Variants in CLUH observed in about 807,000 individuals in gnomAD.
CLUH encodes CLUH binding protein of NUMT mRNA.
Under a neutral mutation model 139.3 loss-of-function variants are expected in CLUH, and 77 were observed. That is an observed-to-expected ratio of 0.55 (90% CI 0.46 to 0.67). The LOEUF (loss-of-function observed/expected upper bound fraction) is 0.67. Among genes scored for constraint, CLUH ranks in the 30% least tolerant of loss-of-function variants. The pLI is 0.00. For synonymous variants in CLUH, 999 were observed against 801.6 expected (o/e 1.25, Z -4.16); for missense variants, 1,876 against 1,875.8 (o/e 1.00, Z 0.00).
Position 2,698,075 on chromosome 17 carries a change from G to T in CLUH, c.1782C>A (p.Gly594=), listed in dbSNP as rs754127529. The T allele has an allele frequency of 4.4e-6, 7 of 1,606,308 alleles. No homozygotes were observed. The highest frequency in any genetic ancestry group is 5.9e-6 in the Non-Finnish European group (7 of 1,178,462). The change falls in exon 10 of 26, where the codon GGC becomes GGA. Residue 594 remains glycine, a synonymous_variant. Transcript: ENST00000651024. ...CGAGGATGTAGTGGCGCCCGTCGTT[G>T]CCAATGATGCCCTTGCACTCGACCG... is the stretch of plus-strand genomic sequence containing the variant. ...CSSVECKGII[G]NDGRHYILDL...
At chr17:2,697,764 G>T in intron 10 of CLUH, 132 bp downstream of exon 10, 1 of 890,942 alleles carries the variant, frequency 1.1e-6, no homozygotes, top group Non-Finnish European at 1.6e-6. Flanking sequence ...GGTCTCCAAT[G>T]ACTGTGGCTA....
At chr17:2,699,054 G>T (rs941375940) in intron 9 of CLUH, among the ~76,000 whole-genome samples, 1 of 151,956 alleles carries the variant, frequency 6.6e-6, no homozygotes, top group Non-Finnish European at 1.5e-5. Flanking sequence ...TTCTAAAAAA[G>T]CGCAAACAAA....
intron 9 of CLUH, 73 bp downstream of exon 9, chr17:2,700,309 C>A: frequency 7.0e-7 from 1 of 1,425,162 alleles, no homozygotes; most frequent in Non-Finnish European, 9.6e-7. Flanking sequence ...TTGCTTTCCT[C>A]CTCTCCATGA....
At chr17:2,694,822 T>TCCCCCCCCCCCCCCCCCCCCAGCCC in intron 16 of CLUH, 35 bp downstream of exon 16, 4 of 1,346,312 alleles carry the variant, frequency 3.0e-6, no homozygotes, top group Non-Finnish European at 4.0e-6. Context: ...ATCTGCCCAA[T>TCCCCCCCCCCCCCCCCCCCCAGCCC]CCCACCCACC....
rs781095077 is a variant in CLUH at position 2,701,597 on chromosome 17, T to TC, written c.744+15dup. On this transcript the variant is annotated intron_variant, in intron 5 of 25. Coordinates refer to ENST00000651024, the MANE Select transcript of CLUH (RefSeq NM_001366661.1). ...CCCCGCCAGGGACCCTCTTCCTCCC[T>TC]CCCCCAGGATCCTACCTTCCAGTCA... The TC allele has an allele frequency of 4.7e-5, 76 of 1,609,122 alleles. 2 individuals are homozygous for TC. The highest frequency in any genetic ancestry group is 4.3e-4 in the South Asian group (39 of 90,208).
intron 12 of CLUH, 39 bp from the exon 13 acceptor site, chr17:2,696,298 G>C: frequency 1.3e-6 from 2 of 1,540,846 alleles, no homozygotes; most frequent in Non-Finnish European, 1.8e-6. Context: ...CCAGGCAGTG[G>C]CAAGACAAAT....
Position 2,693,902 on chromosome 17 carries a change from C to G in CLUH, c.3229G>C (p.Glu1077Gln). ...TGCTGCCACAGCCCAGAGGGTACCT[C>G]TGCGTAGTCGCCCATGATGTAGTGG... ...RLHYIMGDYA[E>Q]ALSNQQKAVL... Residue 1077 changes from glutamate to glutamine, a missense_variant and splice_region_variant, in exon 19 of 26, where the codon GAG (glutamate) becomes CAG (glutamine). Glu to Gln is a conservative substitution (Grantham distance 29). Transcript: ENST00000651024. 6.2e-7 allele frequency: 1 copy of G among 1,610,556 alleles called. No homozygotes were observed. The highest frequency in any genetic ancestry group is 1.7e-4 in the Middle Eastern group (1 of 6,038).
At chr17:2,693,316 A>G (rs2069789242) in intron 19 of CLUH, among the ~76,000 whole-genome samples, 1 of 152,096 alleles carries the variant, frequency 6.6e-6, no homozygotes. Context: ...GAATCGCTTG[A>G]GCCCAGGAGG....
chr17:2,710,769 C>G (rs577520980), intron 1 of CLUH, among the ~76,000 whole-genome samples: 12 of 152,304 alleles, frequency 7.9e-5, no homozygotes, highest in South Asian at 2.1e-4. Flanking sequence ...CATGGGGGAT[C>G]GCTGGGAGCT....
Position 2,691,997 on chromosome 17 carries a change from C to CCCCCGCCCCGCCCCCGCT in CLUH, c.3654+6_3654+7insAGCGGGGGCGGGGCGGGG. ...GCCCCCGCCCCCGCCACGCCCCCGCCGCGCACCTGCGTCTTGTAGATGGTG... is the reference window on the plus strand; with the variant it reads ...GCCCCCGCCCCCGCCACGCCCCCGCCCCCCGCCCCGCCCCCGCTGCGCACCTGCGTCTTGTAGATGGTG... On this transcript the variant is annotated splice_region_variant and intron_variant, in intron 23 of 25. Coordinates refer to ENST00000651024, the MANE Select transcript of CLUH (RefSeq NM_001366661.1). 3.8e-6 allele frequency: 5 copies of CCCCCGCCCCGCCCCCGCT among 1,329,184 alleles called. No homozygotes were observed. The South Asian group carries it at 7.2e-5, about 19-fold the overall frequency. 82.3% of individuals were successfully genotyped at this position (1,329,184 alleles called of 1,614,324 possible).
rs2070347166 is a variant in CLUH, at chr17:2,706,247, G to C, written c.101-1683C>G. 6.6e-6 allele frequency among the ~76,000 whole-genome samples: 1 copy of C among 152,134 alleles called. No homozygotes were observed. The highest frequency in any genetic ancestry group is 1.5e-5 in the Non-Finnish European group (1 of 68,038). On this transcript the variant is annotated intron_variant, in intron 1 of 25. Transcript: ENST00000651024. The surrounding 1 kb of genome is among the most constrained non-coding windows in gnomAD (Gnocchi z 4.6). ...GGCCAGTACGGAAAGGCAGAGACCG[G>C]GGGGCCTGGAGAGAGTCGCTCCCTT...
chr17:2,698,687 G>C (rs183857959), intron 9 of CLUH, 97 bp from the exon 10 acceptor site: 3 of 1,151,906 alleles, frequency 2.6e-6, no homozygotes, highest in Non-Finnish European at 3.6e-6. Flanking sequence ...GAGGCAACCG[G>C]GCCTGCCTTG....
At chr17:2,692,137 G>T (rs903397629) in intron 22 of CLUH, 40 bp from the exon 23 acceptor site, 1 of 1,550,938 alleles carries the variant, frequency 6.4e-7, no homozygotes, top group East Asian at 2.4e-5. Flanking sequence ...AAGGGCATAA[G>T]TGGGCTGGGT....
Position 2,706,350 on chromosome 17 carries a change from G to T in CLUH, c.101-1786C>A, listed in dbSNP as rs1343970255. On this transcript the variant is annotated intron_variant, in intron 1 of 25. Coordinates refer to ENST00000651024, the MANE Select transcript of CLUH (RefSeq NM_001366661.1). This position sits in a 1 kb window ranked among gnomAD's most constrained non-coding sequence, Gnocchi z 4.6. ...CTCTTCCCCCTTACCCCAAAGAGGG[G>T]TATTTGAAGCCCAGAAAGGCTCGGA... Among the ~76,000 whole-genome samples the T allele has an allele frequency of 6.6e-6, 1 of 152,102 alleles. No individual in the cohort carries two copies. The highest frequency in any genetic ancestry group is 1.5e-5 in the Non-Finnish European group (1 of 68,014).
At position 2,689,687 on chromosome 17, in the gene CLUH, C is replaced by A. The variant is rs1366366990; in HGVS notation, c.*907G>T. On this transcript the variant is annotated 3_prime_UTR_variant, in exon 26 of 26. Transcript: ENST00000651024. ...GAGCAGCGTGTGGGGGCCCCCGCCA[C>A]CCCCAGAGCTAGTCTCAGACCAGGA... The A allele has an allele frequency of 6.5e-6, 1 of 152,928 alleles. No individual in the cohort carries two copies. The highest frequency in any genetic ancestry group is 1.5e-5 in the Non-Finnish European group (1 of 68,340). The allele number at this position is 152,928 out of a possible 1,614,324, so 9.5% of individuals were successfully genotyped here.
rs936484411 is a variant in CLUH at position 2,695,456 on chromosome 17, C to T, written c.2462G>A (p.Arg821Gln). ...GATLAEVMRQ[R>Q]GINMRYLGKV... Reference sequence around the variant, plus strand: ...GCCCAGGTAGCGCATGTTGATGCCCCGCTGGCGCATCACCTCTGCCAGCGT... The same window carrying T: ...GCCCAGGTAGCGCATGTTGATGCCCTGCTGGCGCATCACCTCTGCCAGCGT... Residue 821 changes from arginine (R) to glutamine (Q), a missense_variant, in exon 14 of 26, where the codon CGG becomes CAG. Coordinates refer to ENST00000651024, the MANE Select transcript of CLUH (RefSeq NM_001366661.1). The T allele has an allele frequency of 9.9e-6, 16 of 1,611,602 alleles. No homozygotes were observed. The highest frequency in any genetic ancestry group is 1.6e-4 in the Middle Eastern group (1 of 6,084).
intron 10 of CLUH, among the ~76,000 whole-genome samples, chr17:2,697,152 C>A (rs2069982121): frequency 6.6e-6 from 1 of 152,206 alleles, no homozygotes; most frequent in Non-Finnish European, 1.5e-5. Context: ...GTAATCCCAG[C>A]ACTTTGAGGA....
Position 2,702,063 on chromosome 17 carries a change from A to C in CLUH, c.476-6T>G, listed in dbSNP as rs2070205498. The C allele has an allele frequency of 6.2e-7, 1 of 1,612,762 alleles. No individual in the cohort carries two copies. The highest frequency in any genetic ancestry group is 1.3e-5 in the African/African-American group (1 of 74,944). The stretch of plus-strand genomic sequence containing the variant: ...CTCACGCACCGTGTACGGCTCTGTC[A>C]GGAAGGCAGGGAGGGTATGGCGTTA... On this transcript the variant is annotated splice_region_variant and splice_polypyrimidine_tract_variant and intron_variant, in intron 3 of 25. Coordinates refer to ENST00000651024, the MANE Select transcript of CLUH (RefSeq NM_001366661.1).
At position 2,703,554 on chromosome 17, in the gene CLUH, C is replaced by T. The variant is rs1015902384; in HGVS notation, c.304-65G>A. The T allele has an allele frequency of 7.8e-6, 12 of 1,545,668 alleles. 1 individual carries two copies. The South Asian group carries it at 9.2e-5, about 12-fold the overall frequency. On this transcript the variant is annotated intron_variant, in intron 2 of 25. Coordinates refer to ENST00000651024, the MANE Select transcript of CLUH (RefSeq NM_001366661.1). The surrounding 1 kb of genome is among the most constrained non-coding windows in gnomAD (Gnocchi z 4.2). ...CGTAGCGGGGAGAGAAGGCCCCAACCGCCCCGGTGAGAGGCCACGTAGCGG... is the reference window on the plus strand; with the variant it reads ...CGTAGCGGGGAGAGAAGGCCCCAACTGCCCCGGTGAGAGGCCACGTAGCGG...
Sources: gnomAD v4.1 joint callset for allele counts (sites outside exome capture counted in the v4.1 genomes callset) on GRCh38, gnomAD v4.1.1 for gene constraint, Gnocchi (gnomAD v3.1) non-coding constraint, MANE v1.5 for transcripts, NCBI Gene and HGNC (gene_info 2026-07-23, HGNC 2026-07-21) for gene names.